Variants in BICRA observed in about 807,000 individuals in gnomAD.
BICRA encodes BRD4-interacting chromatin-remodeling complex-associated protein.
A neutral mutation model predicts 96.9 loss-of-function variants in BICRA; 31 were observed. That is an observed-to-expected ratio of 0.32 (90% CI 0.24 to 0.43). The LOEUF (loss-of-function observed/expected upper bound fraction) is 0.43, where lower values mean the gene tolerates loss of function less well. Among genes scored for constraint, BICRA ranks in the 20% least tolerant of loss-of-function variants. The pLI is 1.00. For missense variants in BICRA, 2,283 were observed against 2,190.3 expected, an observed-to-expected ratio of 1.04 and a Z score of -0.84; for synonymous variants, 1,350 against 1,071.8, an observed-to-expected ratio of 1.26 and a Z score of -5.07.
chr19:47,634,342 C>T lies in BICRA; in HGVS notation c.-108+25174C>T, dbSNP rs116764977. Among the ~76,000 whole-genome samples, 207 of 152,304 alleles carry T rather than the reference C, an allele frequency of 1.4e-3. 2 individuals are homozygous for T. Among genetic ancestry groups the T allele is most frequent in the African/African-American group, 4.9e-3 (202 of 41,568 alleles). ...GGCCTGCCCTCGACATGGGATCTGC[C>T]TTGTGGGACCAGGAGGAGGCCATGT... is the stretch of plus-strand genomic sequence containing the variant. On this transcript the variant is annotated intron_variant, in intron 1 of 14. Coordinates refer to ENST00000594866, the MANE Select transcript of BICRA (RefSeq NM_001394372.1).
chr19:47,617,374 A>T (rs992456524), intron 1 of BICRA, among the ~76,000 whole-genome samples: 1 of 146,734 alleles, frequency 6.8e-6, no homozygotes, highest in Admixed American at 6.8e-5. Context: ...TATATTTTTT[A>T]TTTTTTTGAG....
intron 1 of BICRA, among the ~76,000 whole-genome samples, chr19:47,661,474 C>T (rs1466284270): frequency 6.6e-6 from 1 of 150,860 alleles, no homozygotes; most frequent in East Asian, 1.9e-4. Flanking sequence ...GGGAGCCGGG[C>T]CGGGGAGGAG....
chr19:47,612,022 C>T (rs1002010731), intron 1 of BICRA, among the ~76,000 whole-genome samples: 15 of 152,042 alleles, frequency 9.9e-5, no homozygotes, highest in Non-Finnish European at 1.9e-4. Flanking sequence ...AGGCACCCAC[C>T]ACCACACCTG....
intron 1 of BICRA, among the ~76,000 whole-genome samples, chr19:47,624,272 G>A (rs898274489): frequency 1.3e-5 from 2 of 151,886 alleles, no homozygotes; most frequent in East Asian, 1.9e-4. Context: ...GCTGGTTCCC[G>A]CCTCCCCACC....
Position 47,699,133 on chromosome 19 carries a change from T to A in BICRA, c.3492+74T>A, listed in dbSNP as rs1040096290. On this transcript the variant is annotated intron_variant, in intron 13 of 14. Coordinates refer to ENST00000594866, the MANE Select transcript of BICRA (RefSeq NM_001394372.1). The surrounding 1 kb of genome is among the most constrained non-coding windows in gnomAD (Gnocchi z 5.0). ...CACTGCCCCTTTCCCTCACCCGCTC[T>A]GGGCAAGGTGGAGCCTCCCGCCCCT... The A allele has an allele frequency of 2.7e-6, 3 of 1,131,728 alleles. No individual in the cohort carries two copies. The African/African-American group carries it at 4.6e-5, about 17-fold the overall frequency. The allele number at this position is 1,131,728 out of a possible 1,614,324, so 70.1% of individuals were successfully genotyped here.
chr19:47,660,117 G>T (rs1326940579), intron 1 of BICRA, among the ~76,000 whole-genome samples: 3 of 152,080 alleles, frequency 2.0e-5, no homozygotes. Context: ...GAGGCCCTAA[G>T]TCCAAAATGA....
Position 47,681,180 on chromosome 19 carries a change from G to A in BICRA, c.2010G>A (p.Leu670=). The change falls in exon 6 of 15, where the codon CTG becomes CTA. Residue 670 remains leucine (L), a synonymous_variant. Coordinates refer to ENST00000594866, the MANE Select transcript of BICRA (RefSeq NM_001394372.1). The part of the protein sequence containing the change: ...QATTPQPSPG[L]ASSPEKIVLG... ...CCACCCCCCAGCCCAGCCCTGGCCT[G>A]GCGTCTAGCCCGGAGAAGATCGTCC... 1 of 1,529,918 alleles carries A rather than the reference G, an allele frequency of 6.5e-7. No homozygotes were observed. Among genetic ancestry groups the A allele is most frequent in the Non-Finnish European group, 8.8e-7 (1 of 1,141,702 alleles). 94.8% of individuals were successfully genotyped at this position (1,529,918 alleles called of 1,614,324 possible). A position where few individuals can be genotyped will look rare whatever the true frequency, so the allele number is the denominator to read the frequency against.
intron 11 of BICRA, among the ~76,000 whole-genome samples, chr19:47,697,629 C>T (rs1387074672): frequency 1.3e-5 from 2 of 152,096 alleles, no homozygotes; most frequent in African/African-American, 4.8e-5. Flanking sequence ...AGGTGCATGC[C>T]ACCACACCTG....
intron 1 of BICRA, among the ~76,000 whole-genome samples, chr19:47,624,213 C>T (rs568490873): frequency 6.6e-6 from 1 of 152,146 alleles, no homozygotes; most frequent in African/African-American, 2.4e-5. Flanking sequence ...TCTTTCTGAT[C>T]TGGCCTGGCT....
intron 5 of BICRA, chr19:47,678,885 T>C (rs928715709): frequency 7.4e-5 from 14 of 188,338 alleles, no homozygotes; most frequent in African/African-American, 2.6e-4. Context: ...TTTTCTTTTT[T>C]TTTTCTTTTT....
chr19:47,631,758 C>T (rs1754413532), intron 1 of BICRA, among the ~76,000 whole-genome samples: 1 of 152,122 alleles, frequency 6.6e-6, no homozygotes, highest in Admixed American at 6.6e-5. Context: ...AAGCAATTCT[C>T]CTGACTCAGC....
rs566311537 is a variant in BICRA, at chr19:47,700,751, G to A, written c.3596-577G>A. 4.0e-4 allele frequency: 60 copies of A among 149,642 alleles called. 1 individual carries two copies. The South Asian group carries it at 0.012, about 29-fold the overall frequency. 9.3% of individuals were successfully genotyped at this position (149,642 alleles called of 1,614,324 possible). On this transcript the variant is annotated intron_variant, in intron 14 of 14. Transcript: ENST00000594866. ...GGAGGTTGCAGTGAGGTGAGATGGCGCTACTGCACTCCAGCCTGGGCAACA... is the reference window on the plus strand; with the variant it reads ...GGAGGTTGCAGTGAGGTGAGATGGCACTACTGCACTCCAGCCTGGGCAACA...
chr19:47,697,882 A>G (rs1973371822), intron 11 of BICRA, among the ~76,000 whole-genome samples: 2 of 151,850 alleles, frequency 1.3e-5, no homozygotes, highest in South Asian at 4.1e-4. Flanking sequence ...TTTTTAAATA[A>G]TTTTTGTAGA....
chr19:47,694,884 C>T lies in BICRA; in HGVS notation c.2896-16C>T, dbSNP rs201520403. 2.0e-6 allele frequency: 3 copies of T among 1,501,696 alleles called. No homozygotes were observed. Among genetic ancestry groups the T allele is most frequent in the Non-Finnish European group, 8.9e-7 (1 of 1,129,386 alleles). 93.0% of individuals were successfully genotyped at this position (1,501,696 alleles called of 1,614,324 possible). On this transcript the variant is annotated splice_polypyrimidine_tract_variant and intron_variant, in intron 8 of 14. Transcript: ENST00000594866. ...GCCTATGTTCCCCACCCCTCATCCA[C>T]CTGTCCCCTCCTCAGGTGCCGTCCG...
At chr19:47,640,732 G>A (rs988608755) in intron 1 of BICRA, among the ~76,000 whole-genome samples, 4 of 151,866 alleles carry the variant, frequency 2.6e-5, no homozygotes, top group African/African-American at 7.3e-5. Context: ...TGAAGGAGGC[G>A]AGGGAGCAAG....
chr19:47,635,000 T>G (rs1028008967), intron 1 of BICRA, among the ~76,000 whole-genome samples: 15 of 152,052 alleles, frequency 9.9e-5, no homozygotes, highest in East Asian at 3.9e-4. Flanking sequence ...CTGACCTCGT[T>G]ATCCGCCCGC....
chr19:47,663,865 C>T (rs887327563), intron 1 of BICRA: 10 of 133,328 alleles, frequency 7.5e-5, no homozygotes, highest in Middle Eastern at 8.0e-3. Flanking sequence ...GTATGATACA[C>T]GTTAATGTCT....
intron 1 of BICRA, among the ~76,000 whole-genome samples, chr19:47,665,654 A>C (rs1218544308): frequency 6.6e-6 from 1 of 151,632 alleles, no homozygotes; most frequent in Non-Finnish European, 1.5e-5. Flanking sequence ...GTTTTTTTTT[A>C]ATCTTCATGT....
chr19:47,627,660 AAAG>A (rs771286802), intron 1 of BICRA, among the ~76,000 whole-genome samples: 10 of 152,224 alleles, frequency 6.6e-5, no homozygotes, highest in Admixed American at 4.6e-4. Context: ...AGCCAGGAAA[AAAG>A]AAAAGGATGG....
Sources: allele counts gnomAD v4.1 joint callset (sites outside exome capture counted in the v4.1 genomes callset), GRCh38; gene constraint gnomAD v4.1.1; non-coding constraint Gnocchi (gnomAD v3.1); transcripts MANE v1.5; gene names NCBI Gene and HGNC (gene_info 2026-07-23, HGNC 2026-07-21).